PCDHA2: variants seen among roughly 807,000 people sequenced by gnomAD.
PCDHA2 encodes the protein protocadherin alpha-2.
A neutral mutation model predicts 66.0 loss-of-function variants in PCDHA2; 58 were observed. That is an observed-to-expected ratio of 0.88 (90% CI 0.71 to 1.09). The LOEUF is 1.09. Ranked by LOEUF, PCDHA2 falls within the 50% of genes least tolerant of loss-of-function variation. The pLI, the probability that PCDHA2 is intolerant of heterozygous loss-of-function variation, is 0.00. For synonymous variants in PCDHA2, 634 were observed against 554.0 expected, an observed-to-expected ratio of 1.14 and a Z score of -2.03; for missense variants, 1,267 against 1,242.3, an observed-to-expected ratio of 1.02 and a Z score of -0.30.
intron 1 of PCDHA2, chr5:140,821,809 C>T: frequency 1.9e-6 from 3 of 1,613,446 alleles, no homozygotes; most frequent in Admixed American, 1.7e-5. Context: ...TCTGGGATCC[C>T]GGCTCCTGCT....
chr5:140,878,348 T>G (rs55915538), intron 1 of PCDHA2, among the ~76,000 whole-genome samples: 4,312 of 152,298 alleles, frequency 0.028, 189 homozygotes, highest in African/African-American at 0.098. Flanking sequence ...ATCACAATAA[T>G]ATAAATGATA....
In PCDHA2 at chr5:140,982,507, G is replaced by A. The variant is rs555523473; in HGVS notation, c.2480G>A (p.Arg827Gln). 21 of 1,614,138 alleles carry A rather than the reference G, an allele frequency of 1.3e-5. No individual in the cohort carries two copies. The highest frequency in any genetic ancestry group is 4.0e-5 in the African/African-American group (3 of 75,040). ...CACCTAGAGGAGGCTGGCATTCTAC[G>A]GGCTGGTCCAGGAGGGCCTGATCAG... is the stretch of plus-strand genomic sequence containing the variant. ...SVHLEEAGILRAGPGGPDQQW... is the reference protein window; with the variant it reads ...SVHLEEAGILQAGPGGPDQQW... The change falls in exon 3 of 4, where the codon CGG (arginine) becomes CAG (glutamine). Residue 827 changes from arginine (R) to glutamine (Q), a missense_variant. Arg to Gln is a conservative substitution (Grantham distance 43). Coordinates refer to ENST00000526136, the MANE Select transcript of PCDHA2 (RefSeq NM_018905.3).
At chr5:140,881,376 C>G in intron 1 of PCDHA2, 5 of 984,754 alleles carry the variant, frequency 5.1e-6, no homozygotes, top group Non-Finnish European at 6.0e-6. Context: ...GAATTGCAGC[C>G]GGCGGCGGTA....
chr5:140,990,814 T>A (rs1184527701), intron 3 of PCDHA2, among the ~76,000 whole-genome samples: 1 of 152,184 alleles, frequency 6.6e-6, no homozygotes, highest in Non-Finnish European at 1.5e-5. Context: ...GAAGCTCCCT[T>A]CTCTCAGCTA....
chr5:140,822,455 T>C, intron 1 of PCDHA2: 1 of 1,613,778 alleles, frequency 6.2e-7, no homozygotes, highest in Non-Finnish European at 8.5e-7. Flanking sequence ...ACAGTTCAGT[T>C]GTTGATCAAT....
chr5:140,927,980 G>A, intron 1 of PCDHA2: 2 of 1,614,220 alleles, frequency 1.2e-6, no homozygotes, highest in Non-Finnish European at 1.7e-6. Flanking sequence ...GCTCTCTTTA[G>A]TGTAAAGGAT....
At chr5:140,992,950 C>T (rs1435932636) in intron 3 of PCDHA2, among the ~76,000 whole-genome samples, 1 of 152,216 alleles carries the variant, frequency 6.6e-6, no homozygotes, top group East Asian at 1.9e-4. Context: ...GAGATTAAAT[C>T]ACCCCTTATA....
chr5:140,997,559 T>C (rs550494855), intron 3 of PCDHA2, among the ~76,000 whole-genome samples: 9 of 152,148 alleles, frequency 5.9e-5, no homozygotes, highest in Non-Finnish European at 1.3e-4. Context: ...ACAGGACAAC[T>C]GTCATATGTG....
At chr5:140,876,955 G>C in intron 1 of PCDHA2, 1 of 1,613,390 alleles carries the variant, frequency 6.2e-7, no homozygotes, top group Admixed American at 1.7e-5. Flanking sequence ...CTACTCGCTG[G>C]TGGAGCGGCG....
Position 140,903,378 on chromosome 5 carries a change from G to T in PCDHA2, c.2389-75571G>T, listed in dbSNP as rs938741904. Among the ~76,000 whole-genome samples, 3 of 152,196 alleles carry T rather than the reference G, an allele frequency of 2.0e-5. No homozygotes were observed. In the South Asian group the frequency reaches 6.2e-4, roughly 32 times the overall value. On this transcript the variant is annotated intron_variant, in intron 1 of 3. Coordinates refer to ENST00000526136, the MANE Select transcript of PCDHA2 (RefSeq NM_018905.3). Reference sequence around the variant, plus strand: ...GTTTTTCAAAAATATAGGGAGGATTGTGGTTACTTCTAGAAACAGTAGTGC... The same window carrying T: ...GTTTTTCAAAAATATAGGGAGGATTTTGGTTACTTCTAGAAACAGTAGTGC...
At chr5:140,851,516 TA>T in intron 1 of PCDHA2, 1 of 906,320 alleles carries the variant, frequency 1.1e-6, no homozygotes, top group Non-Finnish European at 1.3e-6. Flanking sequence ...AAATATGTTT[TA>T]AAATGCCTGA....
At position 140,929,227 on chromosome 5, in the gene PCDHA2, G is replaced by C. The variant is rs141300036; in HGVS notation, c.2389-49722G>C. ...GTTGCGTGGGGAGTACAATGCTGCC[G>C]ACCTGCGAAATCTTGCCACTGGGGT... On this transcript the variant is annotated intron_variant, in intron 1 of 3. Transcript: ENST00000526136. 7.4e-6 allele frequency: 12 copies of C among 1,613,892 alleles called. No homozygotes were observed. In the African/African-American group the frequency reaches 1.5e-4, roughly 20 times the overall value.
intron 1 of PCDHA2, chr5:140,836,721 C>G: frequency 1.9e-6 from 3 of 1,612,166 alleles, no homozygotes; most frequent in Non-Finnish European, 2.5e-6. Context: ...TCCTCAGGGT[C>G]CATCCTCTAC....
intron 1 of PCDHA2, among the ~76,000 whole-genome samples, chr5:140,912,783 A>G (rs1287611610): frequency 6.6e-6 from 1 of 152,166 alleles, no homozygotes; most frequent in African/African-American, 2.4e-5. Context: ...TGTCCCTTCT[A>G]TGCCAATTTT....
At chr5:140,830,283 C>G (rs2150184279) in intron 1 of PCDHA2, 3 of 1,613,760 alleles carry the variant, frequency 1.9e-6, no homozygotes, top group East Asian at 2.2e-5. Context: ...ACCGAGGGCG[C>G]GTGCACGGCG....
At chr5:140,834,176 G>A (rs1772828116) in intron 1 of PCDHA2, 1 of 555,612 alleles carries the variant, frequency 1.8e-6, no homozygotes, top group Admixed American at 3.3e-5. Context: ...TTACATGATG[G>A]CCACATGATG....
At position 140,876,752 on chromosome 5, in the gene PCDHA2, C is replaced by G. The variant is rs374137138; in HGVS notation, c.2388+79400C>G. On this transcript the variant is annotated intron_variant, in intron 1 of 3. Coordinates refer to ENST00000526136, the MANE Select transcript of PCDHA2 (RefSeq NM_018905.3). ...TCGGCCTATGAGCTGGTGGTGACTGCGCGGGATGGGGGCTCGCCTTCGCTG... is the reference window on the plus strand; with the variant it reads ...TCGGCCTATGAGCTGGTGGTGACTGGGCGGGATGGGGGCTCGCCTTCGCTG... 1.4e-5 allele frequency: 23 copies of G among 1,614,194 alleles called. No homozygotes were observed. The African/African-American group carries it at 2.8e-4, about 20-fold the overall frequency.
chr5:140,823,692 C>G (rs1179206603), intron 1 of PCDHA2: 3 of 1,613,816 alleles, frequency 1.9e-6, no homozygotes, highest in Non-Finnish European at 1.7e-6. Flanking sequence ...TGGATGAGAC[C>G]GAAGCACCGC....
intron 1 of PCDHA2, chr5:140,835,910 A>C (rs2150248144): frequency 1.2e-6 from 2 of 1,612,256 alleles, no homozygotes; most frequent in Non-Finnish European, 1.7e-6. Context: ...GCTACGTGTC[A>C]GTGCACGCGG....
Sources: allele counts gnomAD v4.1 joint callset (sites outside exome capture counted in the v4.1 genomes callset), GRCh38; gene constraint gnomAD v4.1.1; transcripts MANE v1.5; gene names NCBI Gene and HGNC (gene_info 2026-07-23, HGNC 2026-07-21).